RPS6KA1: variants seen among roughly 807,000 people sequenced by gnomAD.
The protein encoded by RPS6KA1 is ribosomal protein S6 kinase alpha-1.
A neutral mutation model predicts 91.3 loss-of-function variants in RPS6KA1; 48 were observed. The ratio of observed to expected loss-of-function variants is 0.53; its 90% confidence interval spans 0.42 to 0.67. The LOEUF (loss-of-function observed/expected upper bound fraction) is 0.67. Among genes scored for constraint, RPS6KA1 ranks in the 30% least tolerant of loss-of-function variants. The pLI, the probability that RPS6KA1 is intolerant of heterozygous loss-of-function variation, is 0.00. For synonymous variants in RPS6KA1, 359 were observed against 384.7 expected, an observed-to-expected ratio of 0.93 and a Z score of 0.78; for missense variants, 719 against 960.5, an observed-to-expected ratio of 0.75 and a Z score of 3.32.
intron 2 of RPS6KA1, among the ~76,000 whole-genome samples, chr1:26,543,505 G>A (rs1213083400): frequency 6.6e-6 from 1 of 152,210 alleles, no homozygotes; most frequent in Non-Finnish European, 1.5e-5. Context: ...TTTGACTGCA[G>A]TTTTGTGGTG....
intron 17 of RPS6KA1, among the ~76,000 whole-genome samples, chr1:26,568,727 G>A (rs1348231717): frequency 6.6e-6 from 1 of 152,052 alleles, no homozygotes; most frequent in African/African-American, 2.4e-5. Flanking sequence ...TCCAGCCTGG[G>A]CAACAAAAGC....
chr1:26,557,169 T>TG, intron 13 of RPS6KA1, 69 bp downstream of exon 13: 1 of 1,268,542 alleles, frequency 7.9e-7, no homozygotes. Context: ...GGTGGCAGCT[T>TG]GGGGGGCAGA....
chr1:26,533,917 A>AC (rs1218951875), intron 1 of RPS6KA1, among the ~76,000 whole-genome samples: 1 of 149,900 alleles, frequency 6.7e-6, no homozygotes, highest in Non-Finnish European at 1.5e-5. Flanking sequence ...AACCCCCCTG[A>AC]CCCCCCTACC....
Position 26,555,988 on chromosome 1 carries a change from A to T in RPS6KA1, c.916+363A>T. The stretch of plus-strand genomic sequence containing the variant: ...AGGTCCCCACTGCCTGGCACAAAAC[A>T]GTCCCTCTATAAATATTTGTTAAAC... On this transcript the variant is annotated intron_variant, in intron 11 of 21. Transcript: ENST00000374168. This position sits in a 1 kb window ranked among gnomAD's most constrained non-coding sequence, Gnocchi z 4.3. 2.9e-6 allele frequency: 1 copy of T among 343,140 alleles called. No homozygotes were observed. Among genetic ancestry groups the T allele is most frequent in the Non-Finnish European group, 5.5e-6 (1 of 181,440 alleles). The allele number at this position is 343,140 out of a possible 1,614,324, so 21.3% of individuals were successfully genotyped here.
At position 26,554,442 on chromosome 1, in the gene RPS6KA1, A is replaced by G. The variant is rs536845811; in HGVS notation, c.614-154A>G. On this transcript the variant is annotated intron_variant, in intron 8 of 21. Coordinates refer to ENST00000374168, the MANE Select transcript of RPS6KA1 (RefSeq NM_002953.4). This position sits in a 1 kb window ranked among gnomAD's most constrained non-coding sequence, Gnocchi z 4.6. ...CCCAGCCCCTCATTGTGTAACGTTG[A>G]GCAAGTCACCTGACCTCTCTGGGCC... 3.9e-5 allele frequency: 46 copies of G among 1,179,298 alleles called. No individual in the cohort carries two copies. In the East Asian group the frequency reaches 9.3e-4, roughly 24 times the overall value. 73.1% of individuals were successfully genotyped at this position (1,179,298 alleles called of 1,614,324 possible). A position where few individuals can be genotyped will look rare whatever the true frequency, so the allele number is the denominator to read the frequency against.
At chr1:26,544,255 T>C in intron 2 of RPS6KA1, 1 of 454,670 alleles carries the variant, frequency 2.2e-6, no homozygotes, top group Non-Finnish European at 4.4e-6. Context: ...GTGGTTGGGT[T>C]CCAATCTCTG....
chr1:26,572,418 G>A, intron 20 of RPS6KA1, 125 bp downstream of exon 20: 4 of 681,298 alleles, frequency 5.9e-6, no homozygotes, highest in Admixed American at 2.2e-5. Flanking sequence ...CCCTGTTGCT[G>A]TATTTCTCCA....
chr1:26,549,946 C>G (rs1355494434), intron 4 of RPS6KA1, among the ~76,000 whole-genome samples: 1 of 151,988 alleles, frequency 6.6e-6, no homozygotes. Context: ...ATGGTGCAAT[C>G]TCGGCTCATC....
rs1332351942 is a variant in RPS6KA1 at position 26,572,176 on chromosome 1, A to T, written c.1830A>T (p.Gly610=). The stretch of plus-strand genomic sequence containing the variant: ...CCAGACCGTGCGGGCTTTTCTGCAG[A>T]TATACTCCATTTGCCAACGGTCCCA... ...LGILLYTMLA[G]YTPFANGPSD... Residue 610 remains glycine, a splice_region_variant and synonymous_variant, in exon 20 of 22, where the codon GGA becomes GGT. Coordinates refer to ENST00000374168, the MANE Select transcript of RPS6KA1 (RefSeq NM_002953.4). The T allele has an allele frequency of 1.2e-6, 2 of 1,613,282 alleles. No homozygotes were observed. The highest frequency in any genetic ancestry group is 1.7e-6 in the Non-Finnish European group (2 of 1,179,340).
At chr1:26,572,535 C>T (rs2076258301) in intron 20 of RPS6KA1, among the ~76,000 whole-genome samples, 1 of 152,062 alleles carries the variant, frequency 6.6e-6, no homozygotes, top group East Asian at 1.9e-4. Flanking sequence ...GCACTGAGGG[C>T]TGCATCATCA....
Position 26,560,799 on chromosome 1 carries a change from C to CT in RPS6KA1, c.1290dup (p.Glu431Ter). 6.2e-7 allele frequency: 1 copy of CT among 1,614,208 alleles called. No homozygotes were observed. The highest frequency in any genetic ancestry group is 8.5e-7 in the Non-Finnish European group (1 of 1,180,038). On this transcript the variant is annotated frameshift_variant, in exon 15 of 22. Coordinates refer to ENST00000374168, the MANE Select transcript of RPS6KA1 (RefSeq NM_002953.4). LOFTEE classifies it high-confidence loss of function. ...GAGACAATTGGTGTGGGCTCCTACT[C>CT]TGAGTGCAAGCGCTGTGTCCACAAG...
At chr1:26,565,708 CCT>C (rs1176253918) in intron 17 of RPS6KA1, among the ~76,000 whole-genome samples, 2 of 152,022 alleles carry the variant, frequency 1.3e-5, no homozygotes, top group African/African-American at 4.8e-5. Context: ...ATTACAGGCA[CCT>C]GCCACCACAT....
chr1:26,548,308 C>T (rs1035698344), intron 4 of RPS6KA1, among the ~76,000 whole-genome samples: 2 of 151,594 alleles, frequency 1.3e-5, no homozygotes, highest in East Asian at 1.9e-4. Flanking sequence ...GACTGGTGTG[C>T]GTGGATATCC....
Position 26,556,980 on chromosome 1 carries a change from G to T in RPS6KA1, c.982-18G>T. ...TTGAGGATGCCATGGTGACCAGAGT[G>T]CCCACCCCACTGTGCAGAAGCTATA... On this transcript the variant is annotated intron_variant, in intron 12 of 21. Coordinates refer to ENST00000374168, the MANE Select transcript of RPS6KA1 (RefSeq NM_002953.4). The T allele has an allele frequency of 6.3e-7, 1 of 1,599,458 alleles. No individual in the cohort carries two copies. The highest frequency in any genetic ancestry group is 1.1e-5 in the South Asian group (1 of 90,754).
At chr1:26,541,901 G>C (rs1296764368) in intron 2 of RPS6KA1, among the ~76,000 whole-genome samples, 2 of 152,210 alleles carry the variant, frequency 1.3e-5, no homozygotes, top group Non-Finnish European at 2.9e-5. Flanking sequence ...GGGGCTCTGG[G>C]CTTCTCTTCC....
chr1:26,549,406 A>AC (rs919096412), intron 4 of RPS6KA1, among the ~76,000 whole-genome samples: 1 of 152,018 alleles, frequency 6.6e-6, no homozygotes, highest in African/African-American at 2.4e-5. Flanking sequence ...CCCTGTCTCT[A>AC]CTAAAAATAC....
chr1:26,539,419 G>T (rs1446652753), intron 2 of RPS6KA1, among the ~76,000 whole-genome samples: 1 of 152,194 alleles, frequency 6.6e-6, no homozygotes, highest in African/African-American at 2.4e-5. Flanking sequence ...TGGCAAAGAG[G>T]CAGGGAAGAG....
At chr1:26,533,016 ACAAAGTGCAGATGT>A (rs1217814898) in intron 1 of RPS6KA1, among the ~76,000 whole-genome samples, 1 of 152,232 alleles carries the variant, frequency 6.6e-6, no homozygotes, top group African/African-American at 2.4e-5. Context: ...ATTTCAGACA[ACAAAGTGCAGATGT>A]CAGCAAGACA....
chr1:26,547,279 G>T lies in RPS6KA1; in HGVS notation c.307+9G>T. Reference sequence around the variant, plus strand: ...GAAGGCAACGCTGAAAGGTGAGTGGGGACACCTCCCTGTGCAGAACCCAGG... The same window carrying T: ...GAAGGCAACGCTGAAAGGTGAGTGGTGACACCTCCCTGTGCAGAACCCAGG... On this transcript the variant is annotated intron_variant, in intron 4 of 21. Coordinates refer to ENST00000374168, the MANE Select transcript of RPS6KA1 (RefSeq NM_002953.4). This position sits in a 1 kb window ranked among gnomAD's most constrained non-coding sequence, Gnocchi z 4.1. 6.2e-7 allele frequency: 1 copy of T among 1,609,804 alleles called. No individual in the cohort carries two copies. The highest frequency in any genetic ancestry group is 8.5e-7 in the Non-Finnish European group (1 of 1,176,980).
Sources: allele counts gnomAD v4.1 joint callset (sites outside exome capture counted in the v4.1 genomes callset), GRCh38; gene constraint gnomAD v4.1.1; non-coding constraint Gnocchi (gnomAD v3.1); transcripts MANE v1.5; gene names NCBI Gene and HGNC (gene_info 2026-07-23, HGNC 2026-07-21).